Variants in SMOC2 observed in about 807,000 individuals in gnomAD.
SMOC2 encodes SPARC related modular calcium binding 2.
Under a neutral mutation model 61.4 loss-of-function variants are expected in SMOC2, and 39 were observed. The observed-to-expected ratio is 0.64, with a 90% CI of 0.49 to 0.83. SMOC2 has a LOEUF of 0.83. Ranked by LOEUF, SMOC2 falls within the 40% of genes least tolerant of loss-of-function variation. The pLI is 0.00. For missense variants in SMOC2, 556 were observed against 592.9 expected (o/e 0.94, Z 0.65); for synonymous variants, 247 against 239.9 (o/e 1.03, Z -0.27).
chr6:168,635,926 A>G (rs904064569), intron 9 of SMOC2, among the ~76,000 whole-genome samples: 3 of 151,988 alleles, frequency 2.0e-5, no homozygotes, highest in African/African-American at 7.2e-5. Context: ...TGAGACTTCT[A>G]TAGGACTCTC....
rs1787242830 is a variant in SMOC2 at position 168,653,219 on chromosome 6, A to G, written c.1276A>G (p.Lys426Glu). 6.2e-7 allele frequency: 1 copy of G among 1,612,620 alleles called. No individual in the cohort carries two copies. The highest frequency in any genetic ancestry group is 1.1e-5 in the South Asian group (1 of 91,032). Residue 426 changes from lysine to glutamate, a missense_variant, in exon 11 of 13, where the codon AAA (lysine) becomes GAA (glutamate). By Grantham distance (56) the Lys-to-Glu change is moderately conservative (BLOSUM62 1). Transcript: ENST00000356284. Reference protein sequence around the residue: ...AKEDGKADTKKRHTPRGHAES... With the variant: ...AKEDGKADTKERHTPRGHAES... Reference sequence around the variant, plus strand: ...AGAGGACGGCAAAGCGGACACCAAGAAACGCCACAGTAAGAGCTTTCCCAC... The same window carrying G: ...AGAGGACGGCAAAGCGGACACCAAGGAACGCCACAGTAAGAGCTTTCCCAC...
chr6:168,625,353 G>A (rs1046573765), intron 9 of SMOC2, among the ~76,000 whole-genome samples: 9 of 152,212 alleles, frequency 5.9e-5, no homozygotes, highest in Non-Finnish European at 1.2e-4. Context: ...GCTTCGATGT[G>A]GGAACGCTGG....
At chr6:168,494,135 G>A (rs184307176) in intron 1 of SMOC2, among the ~76,000 whole-genome samples, 59 of 152,292 alleles carry the variant, frequency 3.9e-4, no homozygotes, top group African/African-American at 1.3e-3. Flanking sequence ...TGTATTAGAT[G>A]GTTATTCCAG....
chr6:168,571,426 G>T (rs1394820056), intron 7 of SMOC2, among the ~76,000 whole-genome samples: 1 of 152,062 alleles, frequency 6.6e-6, no homozygotes, highest in Non-Finnish European at 1.5e-5. Flanking sequence ...TTGGAAAAAT[G>T]CAGCCTCCGA....
At chr6:168,491,126 A>G (rs1022415689) in intron 1 of SMOC2, among the ~76,000 whole-genome samples, 6 of 152,214 alleles carry the variant, frequency 3.9e-5, no homozygotes, top group Non-Finnish European at 8.8e-5. Flanking sequence ...ATATTTCTGC[A>G]TCATCTCATG....
chr6:168,482,317 A>T (rs766133832), intron 1 of SMOC2, among the ~76,000 whole-genome samples: 8 of 152,028 alleles, frequency 5.3e-5, no homozygotes, highest in Non-Finnish European at 7.4e-5. Flanking sequence ...ACATAGGATA[A>T]TCTAGTTAAA....
intron 4 of SMOC2, among the ~76,000 whole-genome samples, chr6:168,532,398 C>A (rs1407601111): frequency 1.3e-5 from 2 of 152,154 alleles, no homozygotes; most frequent in African/African-American, 4.8e-5. Flanking sequence ...TAGGGATTTT[C>A]TTTTTGTTTC....
chr6:168,452,101 A>G lies in SMOC2; in HGVS notation c.84+10647A>G, dbSNP rs1448607539. 6.6e-6 allele frequency among the ~76,000 whole-genome samples: 1 copy of G among 152,210 alleles called. No individual in the cohort carries two copies. Among genetic ancestry groups the G allele is most frequent in the African/African-American group, 2.4e-5 (1 of 41,450 alleles). On this transcript the variant is annotated intron_variant, in intron 1 of 12. Coordinates refer to ENST00000356284, the MANE Select transcript of SMOC2 (RefSeq NM_001166412.2). This position sits in a 1 kb window ranked among gnomAD's most constrained non-coding sequence, Gnocchi z 5.0. Reference sequence around the variant, plus strand: ...GGGGTCTGGGGTTACCACCACCAGCAAAGTTTCTGCCACCTTGCCTGCAAA... The same window carrying G: ...GGGGTCTGGGGTTACCACCACCAGCGAAGTTTCTGCCACCTTGCCTGCAAA...
At chr6:168,529,162 G>A (rs548217910) in intron 4 of SMOC2, among the ~76,000 whole-genome samples, 1 of 152,188 alleles carries the variant, frequency 6.6e-6, no homozygotes, top group Non-Finnish European at 1.5e-5. Flanking sequence ...TCACGTTGTT[G>A]CTTCCAACTA....
intron 2 of SMOC2, among the ~76,000 whole-genome samples, chr6:168,510,762 A>C (rs756791978): frequency 3.9e-5 from 6 of 152,212 alleles, no homozygotes; most frequent in Non-Finnish European, 1.5e-5. Flanking sequence ...CACTGAGTGC[A>C]GTGTCTACGT....
chr6:168,663,020 A>G (rs1336546984), intron 11 of SMOC2, among the ~76,000 whole-genome samples: 1 of 152,216 alleles, frequency 6.6e-6, no homozygotes, highest in Non-Finnish European at 1.5e-5. Context: ...ACGAAGTTGG[A>G]TCTGATAATC....
At chr6:168,552,359 TGTAA>T (rs1402215592) in intron 7 of SMOC2, among the ~76,000 whole-genome samples, 1 of 152,188 alleles carries the variant, frequency 6.6e-6, no homozygotes, top group Non-Finnish European at 1.5e-5. Context: ...TTTGAGAAAA[TGTAA>T]GTAATTTTTG....
chr6:168,568,122 T>C (rs374892117), intron 7 of SMOC2, among the ~76,000 whole-genome samples: 36 of 137,178 alleles, frequency 2.6e-4, no homozygotes, highest in African/African-American at 9.1e-4. Flanking sequence ...GATGAGCAGC[T>C]ACAGGCGAAG....
chr6:168,619,769 A>C (rs975856731), intron 9 of SMOC2, among the ~76,000 whole-genome samples: 1 of 152,236 alleles, frequency 6.6e-6, no homozygotes, highest in African/African-American at 2.4e-5. Context: ...AGGTGAGACC[A>C]CAGTGAGGCC....
At chr6:168,492,718 A>C (rs1782496367) in intron 1 of SMOC2, among the ~76,000 whole-genome samples, 1 of 152,236 alleles carries the variant, frequency 6.6e-6, no homozygotes, top group Admixed American at 6.5e-5. Context: ...GCACTGTCTC[A>C]CAGGACAAAA....
chr6:168,597,766 T>C (rs1421747066), intron 7 of SMOC2, among the ~76,000 whole-genome samples: 10 of 152,236 alleles, frequency 6.6e-5, no homozygotes, highest in African/African-American at 2.4e-4. Context: ...CTGCTCCACC[T>C]GCGTGTTCCT....
At chr6:168,565,342 G>A (rs1784517195) in intron 7 of SMOC2, among the ~76,000 whole-genome samples, 1 of 152,186 alleles carries the variant, frequency 6.6e-6, no homozygotes, top group African/African-American at 2.4e-5. Context: ...GGCTGGCCTG[G>A]TGAGGGCTCT....
At chr6:168,460,182 G>A (rs1490803900) in intron 1 of SMOC2, among the ~76,000 whole-genome samples, 1 of 152,134 alleles carries the variant, frequency 6.6e-6, no homozygotes, top group Non-Finnish European at 1.5e-5. Flanking sequence ...GCACACTTAA[G>A]ACCTATGTAT....
At chr6:168,602,243 C>T (rs765821372) in intron 8 of SMOC2, among the ~76,000 whole-genome samples, 3 of 152,106 alleles carry the variant, frequency 2.0e-5, no homozygotes, top group Non-Finnish European at 2.9e-5. Flanking sequence ...ACTTCTCACT[C>T]GACTCTCTGG....
Sources: allele counts gnomAD v4.1 joint callset (sites outside exome capture counted in the v4.1 genomes callset), GRCh38; gene constraint gnomAD v4.1.1; non-coding constraint Gnocchi (gnomAD v3.1); transcripts MANE v1.5; gene names NCBI Gene and HGNC (gene_info 2026-07-23, HGNC 2026-07-21).